Variants in REEP1 observed in about 807,000 individuals in gnomAD.
REEP1 encodes receptor accessory protein 1, also known as receptor expression-enhancing protein 1.
In REEP1, 22 loss-of-function variants were observed where a neutral mutation model predicts 40.3. That is an observed-to-expected ratio of 0.55 (90% CI 0.39 to 0.78). REEP1 has a LOEUF of 0.78. REEP1 is among the 30% of genes least tolerant of loss of function. The pLI, the probability that REEP1 is intolerant of heterozygous loss-of-function variation, is 0.00. For synonymous variants in REEP1, 116 were observed against 139.2 expected (o/e 0.83, Z 1.17); for missense variants, 280 against 361.1 (o/e 0.78, Z 1.82).
At chr2:86,303,194 C>A (rs1679329953) in intron 1 of REEP1, among the ~76,000 whole-genome samples, 1 of 150,752 alleles carries the variant, frequency 6.6e-6, no homozygotes, top group Non-Finnish European at 1.5e-5. Flanking sequence ...AGGAGTACAC[C>A]ACGATGCCCG....
intron 5 of REEP1, 105 bp from the exon 6 acceptor site, chr2:86,232,907 A>T: frequency 1.8e-6 from 2 of 1,126,682 alleles, no homozygotes; most frequent in Non-Finnish European, 2.6e-6. Flanking sequence ...GGAAATCAAG[A>T]CCTGGATCAA....
chr2:86,217,222 A>G lies in REEP1; in HGVS notation c.784-112T>C, dbSNP rs1039244232. On this transcript the variant is annotated intron_variant, in intron 8 of 8. Transcript: ENST00000538924. ...ACTTCCAGCTCCTTTGGCCAAATGCAGCTGGCTAGGGCTGGGGTCTCCCTG... is the reference window on the plus strand; with the variant it reads ...ACTTCCAGCTCCTTTGGCCAAATGCGGCTGGCTAGGGCTGGGGTCTCCCTG... The G allele has an allele frequency of 1.4e-5, 12 of 882,884 alleles. No individual in the cohort carries two copies. The East Asian group carries it at 2.3e-4, about 17-fold the overall frequency. 54.7% of individuals were successfully genotyped at this position (882,884 alleles called of 1,614,324 possible).
intron 1 of REEP1, among the ~76,000 whole-genome samples, chr2:86,329,907 T>A (rs1183909418): frequency 6.6e-6 from 1 of 152,122 alleles, no homozygotes; most frequent in Non-Finnish European, 1.5e-5. Context: ...AAAGTGACAA[T>A]GCCACTCTGG....
At chr2:86,252,166 C>G in intron 4 of REEP1, 96 bp from the exon 5 acceptor site, 1 of 876,552 alleles carries the variant, frequency 1.1e-6, no homozygotes, top group Non-Finnish European at 1.9e-6. Context: ...GGCAGCTTGC[C>G]CAATCCTTGT....
At chr2:86,281,366 A>G (rs986207716) in intron 2 of REEP1, among the ~76,000 whole-genome samples, 5 of 152,210 alleles carry the variant, frequency 3.3e-5, no homozygotes, top group Non-Finnish European at 7.4e-5. Context: ...GCACTGTGGC[A>G]CGCCTATAAT....
chr2:86,271,732 C>CA (rs1677464128), intron 2 of REEP1, among the ~76,000 whole-genome samples: 1 of 152,194 alleles, frequency 6.6e-6, no homozygotes, highest in African/African-American at 2.4e-5. Flanking sequence ...GACTCCTTAG[C>CA]AGGGGGCAAA....
At chr2:86,264,767 C>G (rs1456858330) in intron 2 of REEP1, among the ~76,000 whole-genome samples, 1 of 152,122 alleles carries the variant, frequency 6.6e-6, no homozygotes, top group Non-Finnish European at 1.5e-5. Flanking sequence ...AAACACCAAA[C>G]AAAATATTTC....
chr2:86,304,489 C>T (rs1679397021), intron 1 of REEP1, among the ~76,000 whole-genome samples: 1 of 152,170 alleles, frequency 6.6e-6, no homozygotes, highest in Non-Finnish European at 1.5e-5. Context: ...AAAAGCAATG[C>T]TTCAATCCTT....
chr2:86,261,761 G>T (rs1326976651), intron 3 of REEP1, among the ~76,000 whole-genome samples: 1 of 152,220 alleles, frequency 6.6e-6, no homozygotes, highest in East Asian at 1.9e-4. Flanking sequence ...AGGAAGGCAT[G>T]CCTTTTGCAG....
chr2:86,308,401 C>CT (rs1679604339), intron 1 of REEP1, among the ~76,000 whole-genome samples: 1 of 151,958 alleles, frequency 6.6e-6, no homozygotes, highest in African/African-American at 2.4e-5. Context: ...AAAAAATTAG[C>CT]TGGGCGTGGT....
At chr2:86,286,076 T>A in intron 1 of REEP1, among the ~76,000 whole-genome samples, 1 of 152,166 alleles carries the variant, frequency 6.6e-6, no homozygotes, top group Non-Finnish European at 1.5e-5. Flanking sequence ...CGACTCTGTG[T>A]AAAGGCTCCA....
intron 1 of REEP1, among the ~76,000 whole-genome samples, chr2:86,294,470 T>A (rs1272738837): frequency 6.6e-6 from 1 of 152,190 alleles, no homozygotes; most frequent in Non-Finnish European, 1.5e-5. Flanking sequence ...AAAAAAGTTA[T>A]AAGAAAACAG....
At chr2:86,223,922 G>A (rs1413229401) in intron 7 of REEP1, 1 of 152,066 alleles carries the variant, frequency 6.6e-6, no homozygotes, top group East Asian at 1.9e-4. Flanking sequence ...AAGAGAGAGA[G>A]AGATAATAAT....
chr2:86,234,401 C>A (rs368354905), intron 5 of REEP1, among the ~76,000 whole-genome samples: 1 of 152,146 alleles, frequency 6.6e-6, no homozygotes, highest in Admixed American at 6.5e-5. Context: ...GTCTGTAGTT[C>A]CGGCTACTCG....
intron 1 of REEP1, among the ~76,000 whole-genome samples, chr2:86,309,709 A>G (rs1039541547): frequency 1.3e-5 from 2 of 152,156 alleles, no homozygotes; most frequent in African/African-American, 4.8e-5. Flanking sequence ...AGAGGCAGGA[A>G]AGCTCTCTAG....
intron 1 of REEP1, among the ~76,000 whole-genome samples, chr2:86,313,688 A>G (rs986468439): frequency 8.5e-5 from 13 of 152,176 alleles, no homozygotes; most frequent in Admixed American, 7.9e-4. Context: ...GTTTGCTTTG[A>G]AAATACAGAA....
rs141351354 is a variant in REEP1 at position 86,220,383 on chromosome 2, G to T, written c.632-262C>A. ...AGACTCAGAATCTACTGAATTCTGA[G>T]TAATTCAGTAGATTTACTAAGGGGG... On this transcript the variant is annotated intron_variant, in intron 7 of 8. Transcript: ENST00000538924. Among the ~76,000 whole-genome samples the T allele has an allele frequency of 4.9e-4, 74 of 152,268 alleles. 1 individual carries two copies. The highest frequency in any genetic ancestry group is 1.6e-3 in the African/African-American group (67 of 41,532).
intron 5 of REEP1, among the ~76,000 whole-genome samples, chr2:86,233,584 T>A (rs1182704602): frequency 6.6e-6 from 1 of 152,140 alleles, no homozygotes. Flanking sequence ...TGAGAGAATG[T>A]GTCAGAGTGA....
chr2:86,259,425 C>T lies in REEP1; in HGVS notation c.182+4540G>A, dbSNP rs558136582. Among the ~76,000 whole-genome samples the T allele has an allele frequency of 2.5e-3, 372 of 151,196 alleles. 3 individuals carry two copies. The highest frequency in any genetic ancestry group is 8.7e-3 in the African/African-American group (358 of 41,176). The stretch of plus-strand genomic sequence containing the variant: ...TTTTTGAGACAGAGTTTCACTCTGT[C>T]GCCAGGCTGGAGTGCAGTGGTGCGA... On this transcript the variant is annotated intron_variant, in intron 3 of 8. Coordinates refer to ENST00000538924, the MANE Select transcript of REEP1 (RefSeq NM_001371279.1).
Sources: allele counts gnomAD v4.1 joint callset (sites outside exome capture counted in the v4.1 genomes callset), GRCh38; gene constraint gnomAD v4.1.1; transcripts MANE v1.5; gene names NCBI Gene and HGNC (gene_info 2026-07-23, HGNC 2026-07-21).